Variants in ZNF554 observed in about 807,000 individuals in gnomAD.
ZNF554 encodes zinc finger protein 554.
A neutral mutation model predicts 21.2 loss-of-function variants in ZNF554; 15 were observed. That is an observed-to-expected ratio of 0.71 (90% confidence interval 0.47 to 1.09). The LOEUF (loss-of-function observed/expected upper bound fraction) is 1.09. Among genes scored for constraint, ZNF554 ranks in the 50% least tolerant of loss-of-function variants. The pLI is 0.00. For synonymous variants in ZNF554, 258 were observed against 251.4 expected (o/e 1.03, Z -0.25); for missense variants, 691 against 662.7 (o/e 1.04, Z -0.47).
At chr19:2,826,599 C>T (rs1359231243) in intron 2 of ZNF554, among the ~76,000 whole-genome samples, 1 of 152,038 alleles carries the variant, frequency 6.6e-6, no homozygotes, top group Non-Finnish European at 1.5e-5. Flanking sequence ...TCAGCCCCTT[C>T]ATATGTTGAA....
At chr19:2,820,871 G>C (rs1202198741) in intron 1 of ZNF554, among the ~76,000 whole-genome samples, 30 of 150,592 alleles carry the variant, frequency 2.0e-4, no homozygotes, top group Admixed American at 2.0e-3. Flanking sequence ...CACCATGTTG[G>C]CCAGGCTGGT....
chr19:2,825,787 CA>C (rs1568332798), intron 2 of ZNF554, among the ~76,000 whole-genome samples: 2 of 151,876 alleles, frequency 1.3e-5, no homozygotes, highest in African/African-American at 4.8e-5. Context: ...AGGCATAAGA[CA>C]GGGGTGGACT....
chr19:2,836,170 C>T lies in ZNF554; in HGVS notation c.*1318C>T, dbSNP rs1046337123. Among the ~76,000 whole-genome samples, 9 of 120,984 alleles carry T rather than the reference C, an allele frequency of 7.4e-5. No individual in the cohort carries two copies. Among genetic ancestry groups the T allele is most frequent in the Admixed American group, 4.4e-4 (4 of 9,122 alleles). 79.4% of individuals were successfully genotyped at this position (120,984 alleles called of 152,430 possible). A position where few individuals can be genotyped will look rare whatever the true frequency, so the allele number is the denominator to read the frequency against. The stretch of plus-strand genomic sequence containing the variant: ...TGAGCCACTGTGCTGGGATTACGGG[C>T]GTGAGCTGCCCATGCTGGGATTACG... On this transcript the variant is annotated 3_prime_UTR_variant, in exon 5 of 5. Coordinates refer to ENST00000317243, the MANE Select transcript of ZNF554 (RefSeq NM_001102651.2).
intron 2 of ZNF554, among the ~76,000 whole-genome samples, chr19:2,823,713 T>G (rs2087293036): frequency 6.6e-6 from 1 of 152,098 alleles, no homozygotes; most frequent in East Asian, 1.9e-4. Flanking sequence ...GAGAGGGTAC[T>G]CCTCTCTGCA....
rs750018067 is a variant in ZNF554, at chr19:2,834,862, G to A, written c.*10G>A. 22 of 1,561,614 alleles carry A rather than the reference G, an allele frequency of 1.4e-5. No individual in the cohort carries two copies. The highest frequency in any genetic ancestry group is 1.7e-4 in the Middle Eastern group (1 of 5,850). Reference sequence around the variant, plus strand: ...TCTTATTGGATATTAGCAATTGCACGCTGCTTTGTAAGCCACTTTTTAGTA... The same window carrying A: ...TCTTATTGGATATTAGCAATTGCACACTGCTTTGTAAGCCACTTTTTAGTA... On this transcript the variant is annotated 3_prime_UTR_variant, in exon 5 of 5. Transcript: ENST00000317243.
Position 2,834,043 on chromosome 19 carries a change from C to G in ZNF554, c.808C>G (p.Arg270Gly). 6 of 1,614,094 alleles carry G rather than the reference C, an allele frequency of 3.7e-6. No individual in the cohort carries two copies. Among genetic ancestry groups the G allele is most frequent in the Non-Finnish European group, 5.1e-6 (6 of 1,180,026 alleles). ...LNHHQLGYAD[R>G]RPCESNECGN... is the part of the protein sequence containing the mutation. ...CCACCATCAGCTGGGATATGCAGAT[C>G]GGAGACCTTGTGAAAGTAATGAATG... The change falls in exon 5 of 5, where the codon CGG (arginine) becomes GGG (glycine). Residue 270 changes from arginine (R) to glycine (G), a missense_variant. Coordinates refer to ENST00000317243, the MANE Select transcript of ZNF554 (RefSeq NM_001102651.2).
chr19:2,822,532 C>G (rs2087277452), intron 1 of ZNF554, among the ~76,000 whole-genome samples: 1 of 152,144 alleles, frequency 6.6e-6, no homozygotes, highest in Non-Finnish European at 1.5e-5. Flanking sequence ...GTTTTGTAAA[C>G]TTGTTTGCTT....
intron 1 of ZNF554, among the ~76,000 whole-genome samples, chr19:2,822,043 T>A (rs1374457984): frequency 2.0e-5 from 3 of 151,862 alleles, no homozygotes; most frequent in African/African-American, 7.3e-5. Flanking sequence ...AGCTTTTGTT[T>A]CTTCTTTTCC....
At chr19:2,831,158 A>G (rs998321340) in intron 3 of ZNF554, 3 of 151,962 alleles carry the variant, frequency 2.0e-5, no homozygotes, top group South Asian at 4.1e-4. Flanking sequence ...AACACTTACT[A>G]TTTTTTATTA....
At chr19:2,825,730 A>G (rs1464843321) in intron 2 of ZNF554, among the ~76,000 whole-genome samples, 1 of 151,836 alleles carries the variant, frequency 6.6e-6, no homozygotes, top group Non-Finnish European at 1.5e-5. Context: ...CAAAGTCGGA[A>G]GAGTTTGTTT....
intron 3 of ZNF554, among the ~76,000 whole-genome samples, chr19:2,828,240 G>A (rs1435282326): frequency 1.3e-5 from 2 of 152,134 alleles, no homozygotes; most frequent in African/African-American, 4.8e-5. Flanking sequence ...TGTGGCTTTC[G>A]TGGTCTGGTT....
Position 2,835,006 on chromosome 19 carries a change from A to AGAG in ZNF554, c.*154_*155insGAG. On this transcript the variant is annotated 3_prime_UTR_variant, in exon 5 of 5. Transcript: ENST00000317243. The stretch of plus-strand genomic sequence containing the variant: ...AAGCTCTGAGAATGGGCATTTTTGT[A>AGAG]TTTTGTTGTTGTTGTTGAGATGGAG... 1 of 732,650 alleles carries AGAG rather than the reference A, an allele frequency of 1.4e-6. No individual in the cohort carries two copies. Among genetic ancestry groups the AGAG allele is most frequent in the Admixed American group, 3.0e-5 (1 of 33,454 alleles). 45.4% of individuals were successfully genotyped at this position (732,650 alleles called of 1,614,324 possible). A position where few individuals can be genotyped will look rare whatever the true frequency, so the allele number is the denominator to read the frequency against.
At chr19:2,825,962 G>C (rs911598321) in intron 2 of ZNF554, among the ~76,000 whole-genome samples, 4 of 151,714 alleles carry the variant, frequency 2.6e-5, no homozygotes, top group African/African-American at 9.7e-5. Flanking sequence ...GTGCAGTGGC[G>C]TGATCTTGGT....
chr19:2,828,440 C>T (rs1008967631), intron 3 of ZNF554, among the ~76,000 whole-genome samples: 1 of 152,082 alleles, frequency 6.6e-6, no homozygotes, highest in Non-Finnish European at 1.5e-5. Context: ...TGCCTGTTAT[C>T]CAAGCACTTA....
At chr19:2,820,683 C>CT (rs1568330714) in intron 1 of ZNF554, among the ~76,000 whole-genome samples, 1 of 81,836 alleles carries the variant, frequency 1.2e-5, no homozygotes, top group African/African-American at 6.1e-5. Flanking sequence ...CAGCAAGGGT[C>CT]CTTTTTTTTT....
chr19:2,820,086 C>T lies in ZNF554; in HGVS notation c.15C>T (p.Ala5=). Reference sequence around the variant, plus strand: ...CGCGCGCCCCGATGGTCACCTGCGCCCACCTGGGCCGGCGCGCGCGGCTCC... The same window carrying T: ...CGCGCGCCCCGATGGTCACCTGCGCTCACCTGGGCCGGCGCGCGCGGCTCC... MVTC[A]HLGRRARLPA... Residue 5 remains alanine (A), a synonymous_variant, in exon 1 of 5, where the codon GCC becomes GCT. Transcript: ENST00000317243. The T allele has an allele frequency of 2.5e-6, 3 of 1,214,854 alleles. No individual in the cohort carries two copies. In the South Asian group the frequency reaches 1.2e-4, roughly 48 times the overall value. The allele number at this position is 1,214,854 out of a possible 1,614,324, so 75.3% of individuals were successfully genotyped here.
chr19:2,825,894 TTTTC>T (rs953714266), intron 2 of ZNF554, among the ~76,000 whole-genome samples: 8 of 152,154 alleles, frequency 5.3e-5, no homozygotes, highest in African/African-American at 9.6e-5. Context: ...GTTCTACATC[TTTTC>T]TTTCTTTCTT....
At chr19:2,824,333 T>C (rs563557605) in intron 2 of ZNF554, among the ~76,000 whole-genome samples, 1 of 152,170 alleles carries the variant, frequency 6.6e-6, no homozygotes, top group Non-Finnish European at 1.5e-5. Context: ...CTCTTCTCAG[T>C]TCCCCCAAGA....
intron 2 of ZNF554, among the ~76,000 whole-genome samples, chr19:2,825,715 G>A (rs972546014): frequency 3.3e-5 from 5 of 152,140 alleles, no homozygotes; most frequent in African/African-American, 1.2e-4. Context: ...GATTACCAGT[G>A]TGAGCAAAGT....
Sources: allele counts gnomAD v4.1 joint callset (sites outside exome capture counted in the v4.1 genomes callset), GRCh38; gene constraint gnomAD v4.1.1; transcripts MANE v1.5; gene names NCBI Gene and HGNC (gene_info 2026-07-23, HGNC 2026-07-21).